The following NCAM2 variants were observed in gnomAD, a reference collection of about 807,000 sequenced individuals.
NCAM2 encodes N-CAM-2.
Under a neutral mutation model 98.1 loss-of-function variants are expected in NCAM2, and 30 were observed. The observed-to-expected ratio is 0.31, with a 90% CI of 0.23 to 0.41. NCAM2 has a LOEUF of 0.41. Among genes scored for constraint, NCAM2 ranks in the 10% least tolerant of loss-of-function variants. The pLI is 1.00. For synonymous variants in NCAM2, 368 were observed against 342.4 expected, an observed-to-expected ratio of 1.07 and a Z score of -0.83; for missense variants, 867 against 1,005.8, an observed-to-expected ratio of 0.86 and a Z score of 1.87.
At chr21:21,482,853 A>T (rs556011708) in intron 15 of NCAM2, among the ~76,000 whole-genome samples, 1 of 152,108 alleles carries the variant, frequency 6.6e-6, no homozygotes, top group Non-Finnish European at 1.5e-5. Context: ...TCCATAATCA[A>T]TCGTGTTCCT....
At chr21:21,021,152 C>CTT (rs1601113449) in intron 1 of NCAM2, among the ~76,000 whole-genome samples, 1 of 152,046 alleles carries the variant, frequency 6.6e-6, no homozygotes, top group African/African-American at 2.4e-5. Context: ...GGAAACTATA[C>CTT]TTAAGCAAAT....
intron 3 of NCAM2, among the ~76,000 whole-genome samples, chr21:21,286,046 A>G (rs975033069): frequency 6.6e-6 from 1 of 151,976 alleles, no homozygotes; most frequent in Non-Finnish European, 1.5e-5. Context: ...TCCAGTTTAT[A>G]CAGAACCTCA....
chr21:21,528,820 TAAGG>T (rs1989470964), intron 16 of NCAM2, among the ~76,000 whole-genome samples: 1 of 151,866 alleles, frequency 6.6e-6, no homozygotes, highest in Non-Finnish European at 1.5e-5. Context: ...ATCTAAATAA[TAAGG>T]AAGAAACAAG....
In NCAM2 at chr21:21,530,951, C is replaced by CT. The variant is rs1989658714; in HGVS notation, c.2283-3584dup. Among the ~76,000 whole-genome samples, 3 of 152,002 alleles carry CT rather than the reference C, an allele frequency of 2.0e-5. No homozygotes were observed. In the South Asian group the frequency reaches 6.2e-4, roughly 32 times the overall value. On this transcript the variant is annotated intron_variant, in intron 16 of 17. Transcript: ENST00000400546. ...GCAAAGAATGCATATTTCTCTACAACTTCTGACATATTAAATATCACCAAT... is the reference window on the plus strand; with the variant it reads ...GCAAAGAATGCATATTTCTCTACAACTTTCTGACATATTAAATATCACCAAT...
At chr21:21,441,931 C>T (rs556212822) in intron 12 of NCAM2, among the ~76,000 whole-genome samples, 1 of 152,166 alleles carries the variant, frequency 6.6e-6, no homozygotes, top group Non-Finnish European at 1.5e-5. Context: ...CATGACCTGG[C>T]AGTACTGACA....
intron 1 of NCAM2, among the ~76,000 whole-genome samples, chr21:21,160,251 T>C (rs1254034482): frequency 1.3e-5 from 2 of 152,058 alleles, no homozygotes. Context: ...GAAATAAGCA[T>C]AAACAGTAGC....
At chr21:21,446,019 C>T (rs1280510457) in intron 12 of NCAM2, among the ~76,000 whole-genome samples, 1 of 152,138 alleles carries the variant, frequency 6.6e-6, no homozygotes, top group East Asian at 1.9e-4. Flanking sequence ...TTTTGCAGGG[C>T]AGGCCTGGTG....
At chr21:21,369,633 A>G (rs1390489993) in intron 8 of NCAM2, among the ~76,000 whole-genome samples, 2 of 151,780 alleles carry the variant, frequency 1.3e-5, no homozygotes, top group African/African-American at 4.8e-5. Context: ...TGACTTTTTC[A>G]TGGTAGCCAC....
intron 10 of NCAM2, among the ~76,000 whole-genome samples, chr21:21,417,609 A>G (rs2077020047): frequency 6.6e-6 from 1 of 152,066 alleles, no homozygotes. Context: ...ACTATCATCA[A>G]ATCTCTTATC....
intron 1 of NCAM2, among the ~76,000 whole-genome samples, chr21:21,000,625 CAG>C: frequency 6.6e-6 from 1 of 152,170 alleles, no homozygotes; most frequent in Non-Finnish European, 1.5e-5. Flanking sequence ...TGTAATGAAA[CAG>C]GGTAGAAGGA....
intron 1 of NCAM2, among the ~76,000 whole-genome samples, chr21:21,221,265 CA>C (rs777167549): frequency 3.3e-5 from 5 of 152,064 alleles, no homozygotes; most frequent in Admixed American, 6.6e-5. Context: ...GAAATTTGGT[CA>C]ATTACCACCC....
chr21:21,108,406 A>AT (rs1174275255), intron 1 of NCAM2, among the ~76,000 whole-genome samples: 2 of 152,200 alleles, frequency 1.3e-5, no homozygotes, highest in African/African-American at 4.8e-5. Context: ...GGCACTTTCA[A>AT]TTTTGAAGCT....
At chr21:21,448,721 G>A (rs1439722612) in intron 12 of NCAM2, among the ~76,000 whole-genome samples, 2 of 151,914 alleles carry the variant, frequency 1.3e-5, no homozygotes, top group Non-Finnish European at 2.9e-5. Flanking sequence ...TGATAAAGGA[G>A]AAATTGACTA....
chr21:21,428,421 A>C (rs1303369451), intron 11 of NCAM2, among the ~76,000 whole-genome samples: 3 of 152,192 alleles, frequency 2.0e-5, no homozygotes, highest in Non-Finnish European at 4.4e-5. Context: ...AAAGATCGAG[A>C]CTAATGTTGT....
In NCAM2 at chr21:21,152,105, A is replaced by T. The variant is rs2067466164; in HGVS notation, c.56-128473A>T. Among the ~76,000 whole-genome samples, 2 of 151,972 alleles carry T rather than the reference A, an allele frequency of 1.3e-5. 1 individual carries two copies. Among genetic ancestry groups the T allele is most frequent in the South Asian group, 4.1e-4 (2 of 4,828 alleles). On this transcript the variant is annotated intron_variant, in intron 1 of 17. Transcript: ENST00000400546. ...TGTATGTTGGACTGGCTGACGTTTTATCACAGTCAATGACTGATGCTTTGC... is the reference window on the plus strand; with the variant it reads ...TGTATGTTGGACTGGCTGACGTTTTTTCACAGTCAATGACTGATGCTTTGC...
intron 17 of NCAM2, 111 bp from the exon 18 acceptor site, chr21:21,537,735 A>G (rs1384698196): frequency 4.0e-6 from 2 of 495,222 alleles, no homozygotes; most frequent in Non-Finnish European, 7.2e-6. Context: ...CATATATAAA[A>G]TGTTAGCATA....
At chr21:21,081,650 A>G (rs945985579) in intron 1 of NCAM2, among the ~76,000 whole-genome samples, 7 of 141,838 alleles carry the variant, frequency 4.9e-5, no homozygotes, top group Non-Finnish European at 9.4e-5. Context: ...AAACTACAAA[A>G]CGTAGCCAGG....
At chr21:21,467,218 G>A (rs970573343) in intron 13 of NCAM2, among the ~76,000 whole-genome samples, 1 of 151,642 alleles carries the variant, frequency 6.6e-6, no homozygotes, top group African/African-American at 2.4e-5. Flanking sequence ...ATATTTTGGG[G>A]AATTGTAAGT....
At chr21:21,119,465 T>A (rs1419514967) in intron 1 of NCAM2, among the ~76,000 whole-genome samples, 2 of 152,214 alleles carry the variant, frequency 1.3e-5, no homozygotes, top group African/African-American at 4.8e-5. Flanking sequence ...ATTGTAGTAT[T>A]GTTTCTTGGC....
Sources: allele counts gnomAD v4.1 joint callset (sites outside exome capture counted in the v4.1 genomes callset), GRCh38; gene constraint gnomAD v4.1.1; transcripts MANE v1.5; gene names NCBI Gene and HGNC (gene_info 2026-07-23, HGNC 2026-07-21).